Variants in FBXL4 observed in about 807,000 individuals in gnomAD.
FBXL4 encodes F-box and leucine rich repeat protein 4.
A neutral mutation model predicts 58.9 loss-of-function variants in FBXL4; 40 were observed. The ratio of observed to expected loss-of-function variants is 0.68; its 90% CI spans 0.53 to 0.88. The LOEUF is 0.88. FBXL4 is among the 40% of genes least tolerant of loss of function. FBXL4 has a pLI of 0.00. For missense variants in FBXL4, 676 were observed against 734.4 expected (o/e 0.92, Z 0.92); for synonymous variants, 263 against 265.5 (o/e 0.99, Z 0.09).
At chr6:98,879,820 G>A (rs1394413987) in intron 8 of FBXL4, among the ~76,000 whole-genome samples, 3 of 151,890 alleles carry the variant, frequency 2.0e-5, no homozygotes, top group African/African-American at 7.3e-5. Context: ...GTACATCCCT[G>A]TAATCCCAGC....
At chr6:98,927,926 C>A (rs1347300206) in intron 2 of FBXL4, 104 bp from the exon 3 acceptor site, 1 of 152,126 alleles carries the variant, frequency 6.6e-6, no homozygotes, top group Non-Finnish European at 1.5e-5. Context: ...ATCAAACAGG[C>A]CACATTTTTC....
intron 5 of FBXL4, among the ~76,000 whole-genome samples, chr6:98,906,253 G>T (rs1414008845): frequency 2.0e-5 from 3 of 151,052 alleles, no homozygotes; most frequent in African/African-American, 7.3e-5. Flanking sequence ...GTATACAAGT[G>T]CCATGGTGTT....
Position 98,897,268 on chromosome 6 carries a change from G to C in FBXL4, c.1317+2000C>G, listed in dbSNP as rs138039105. On this transcript the variant is annotated intron_variant, in intron 7 of 9. Coordinates refer to ENST00000369244, the MANE Select transcript of FBXL4 (RefSeq NM_001278716.2). ...AGCAGGTATGGCATAATTTCAGAAT[G>C]AACAGTCCTACCCAAGAAAAGATAG... 405 of 985,134 alleles carry C rather than the reference G, an allele frequency of 4.1e-4. 2 individuals are homozygous for C. The African/African-American group carries it at 6.8e-3, about 17-fold the overall frequency. 61.0% of individuals were successfully genotyped at this position (985,134 alleles called of 1,614,324 possible). A position where few individuals can be genotyped will look rare whatever the true frequency, so the allele number is the denominator to read the frequency against.
intron 6 of FBXL4, among the ~76,000 whole-genome samples, chr6:98,903,286 A>G (rs934832331): frequency 1.3e-5 from 2 of 152,140 alleles, no homozygotes; most frequent in Non-Finnish European, 2.9e-5. Context: ...TCAATTCAGC[A>G]GTCAAGTCAT....
Position 98,917,692 on chromosome 6 carries a change from A to G in FBXL4, c.540T>C (p.Pro180=), listed in dbSNP as rs760238524. The change falls in exon 5 of 10, where the codon CCT becomes CCC. Residue 180 remains proline, a synonymous_variant. Coordinates refer to ENST00000369244, the MANE Select transcript of FBXL4 (RefSeq NM_001278716.2). ...GAGCTTGGGAAGCATTCACCTTCGT[A>G]GGTCTCTCTGACCAAAGAATCTCCC... ...VRWEILWSER[P]TKVNASQARQ... 2 of 1,608,708 alleles carry G rather than the reference A, an allele frequency of 1.2e-6. No individual in the cohort carries two copies. Among genetic ancestry groups the G allele is most frequent in the Admixed American group, 1.7e-5 (1 of 59,294 alleles).
Position 98,876,339 on chromosome 6 carries a change from C to A in FBXL4, c.1390-612G>T, listed in dbSNP as rs1770661793. Among the ~76,000 whole-genome samples the A allele has an allele frequency of 2.0e-5, 3 of 152,098 alleles. 1 individual carries two copies. The South Asian group carries it at 6.2e-4, about 31-fold the overall frequency. ...GATTACAGGACAAGACTCTACTAAT[C>A]AAGGATTAAACATTTCAGTTATTGG... is the stretch of plus-strand genomic sequence containing the variant. On this transcript the variant is annotated intron_variant, in intron 8 of 9. Transcript: ENST00000369244.
rs1772801740 is a variant in FBXL4 at position 98,926,853 on chromosome 6, G to A, written c.136C>T (p.Pro46Ser). Residue 46 changes from proline to serine, a missense_variant, in exon 4 of 10, where the codon CCT becomes TCT. By Grantham distance (74) the Pro-to-Ser change is moderately conservative. Coordinates refer to ENST00000369244, the MANE Select transcript of FBXL4 (RefSeq NM_001278716.2). Reference protein sequence around the residue: ...RAIESNSQTSPLNAEVVQYAK... With the variant: ...RAIESNSQTSSLNAEVVQYAK... Reference sequence around the variant, plus strand: ...TACTGGACTACCTCTGCATTGAGAGGGGAAGTCTGGCTGTTTGATTCTATA... The same window carrying A: ...TACTGGACTACCTCTGCATTGAGAGAGGAAGTCTGGCTGTTTGATTCTATA... 3 of 1,614,150 alleles carry A rather than the reference G, an allele frequency of 1.9e-6. No homozygotes were observed. The South Asian group carries it at 3.3e-5, about 18-fold the overall frequency.
chr6:98,874,728 A>C (rs1488813682), intron 9 of FBXL4, among the ~76,000 whole-genome samples: 2 of 152,122 alleles, frequency 1.3e-5, no homozygotes, highest in Non-Finnish European at 2.9e-5. Context: ...GCTCCTCCAG[A>C]CTTTCCTATT....
intron 7 of FBXL4, chr6:98,896,706 TA>T (rs554247370): frequency 4.2e-5 from 34 of 807,658 alleles, no homozygotes; most frequent in Middle Eastern, 6.3e-4. Context: ...GATGAGCCAA[TA>T]AAAAAAATTT....
intron 7 of FBXL4, among the ~76,000 whole-genome samples, chr6:98,884,944 C>T (rs1770983470): frequency 6.6e-6 from 1 of 152,174 alleles, no homozygotes; most frequent in South Asian, 2.1e-4. Context: ...TAATTCCTCT[C>T]CCTTTGAGAG....
chr6:98,879,448 T>G (rs375469590), intron 8 of FBXL4, among the ~76,000 whole-genome samples: 11 of 152,232 alleles, frequency 7.2e-5, no homozygotes, highest in African/African-American at 2.4e-4. Flanking sequence ...AACACACACA[T>G]GCACACCTTC....
chr6:98,882,031 A>C (rs1453983998), intron 7 of FBXL4, among the ~76,000 whole-genome samples: 2 of 152,106 alleles, frequency 1.3e-5, no homozygotes, highest in Admixed American at 6.5e-5. Context: ...TTTAGAAAGA[A>C]TCTCATAAAT....
intron 2 of FBXL4, among the ~76,000 whole-genome samples, chr6:98,928,140 C>T (rs567201560): frequency 6.6e-6 from 1 of 152,224 alleles, no homozygotes; most frequent in East Asian, 1.9e-4. Flanking sequence ...TCAACAAGAT[C>T]CCAAGAGGCA....
intron 5 of FBXL4, among the ~76,000 whole-genome samples, chr6:98,912,092 T>C (rs1297318630): frequency 6.6e-6 from 1 of 151,812 alleles, no homozygotes; most frequent in Non-Finnish European, 1.5e-5. Context: ...GAAGATGAAA[T>C]GAATGAAATG....
rs1454655363 is a variant in FBXL4 at position 98,874,262 on chromosome 6, C to T, written c.*16G>A. Reference sequence around the variant, plus strand: ...CCAACAAAGCACATTAATTTTAATACAGAACATATATTAAGTCACTGAGTA... The same window carrying T: ...CCAACAAAGCACATTAATTTTAATATAGAACATATATTAAGTCACTGAGTA... On this transcript the variant is annotated 3_prime_UTR_variant, in exon 10 of 10. Transcript: ENST00000369244. 7 of 1,537,346 alleles carry T rather than the reference C, an allele frequency of 4.6e-6. No homozygotes were observed. Among genetic ancestry groups the T allele is most frequent in the Non-Finnish European group, 5.2e-6 (6 of 1,148,580 alleles).
intron 6 of FBXL4, among the ~76,000 whole-genome samples, chr6:98,900,204 AAAC>A (rs1346302998): frequency 4.6e-5 from 7 of 152,208 alleles, no homozygotes; most frequent in Admixed American, 2.6e-4. Context: ...CATCCCCTGA[AAAC>A]AATCTAAAAG....
chr6:98,887,137 A>G (rs1771068369), intron 7 of FBXL4, among the ~76,000 whole-genome samples: 1 of 152,116 alleles, frequency 6.6e-6, no homozygotes, highest in Admixed American at 6.5e-5. Context: ...ATAGTGGCAC[A>G]TGCCTGTGGT....
At position 98,880,638 on chromosome 6, in the gene FBXL4, C is replaced by T; in HGVS notation, c.1318-14G>A. ...CAGTGCTGTTTGCTGCCATTAGGGA[C>T]CACATCAGAGGCAAATATGGAAAGT... On this transcript the variant is annotated splice_polypyrimidine_tract_variant and intron_variant, in intron 7 of 9. Coordinates refer to ENST00000369244, the MANE Select transcript of FBXL4 (RefSeq NM_001278716.2). 2 of 1,611,346 alleles carry T rather than the reference C, an allele frequency of 1.2e-6. No individual in the cohort carries two copies. Among genetic ancestry groups the T allele is most frequent in the Non-Finnish European group, 1.7e-6 (2 of 1,177,778 alleles).
chr6:98,934,413 G>A (rs956844348), intron 2 of FBXL4, among the ~76,000 whole-genome samples: 5 of 151,760 alleles, frequency 3.3e-5, no homozygotes, highest in Admixed American at 6.6e-5. Flanking sequence ...AAAAAAAAGA[G>A]AGAGAGAGAC....
Sources: allele counts gnomAD v4.1 joint callset (sites outside exome capture counted in the v4.1 genomes callset), GRCh38; gene constraint gnomAD v4.1.1; transcripts MANE v1.5; gene names NCBI Gene and HGNC (gene_info 2026-07-23, HGNC 2026-07-21).